The following ADAMTS2 variants were observed in gnomAD, a reference collection of about 807,000 sequenced individuals.
The protein encoded by ADAMTS2 is A disintegrin and metalloproteinase with thrombospondin motifs 2.
Under a neutral mutation model 123.0 loss-of-function variants are expected in ADAMTS2, and 50 were observed. The observed-to-expected ratio is 0.41, with a 90% CI of 0.32 to 0.51. The LOEUF is 0.51. Among genes scored for constraint, ADAMTS2 ranks in the 20% least tolerant of loss-of-function variants. ADAMTS2 has a pLI of 0.35. For synonymous variants in ADAMTS2, 678 were observed against 695.4 expected (o/e 0.98, Z 0.39); for missense variants, 1,494 against 1,705.2 (o/e 0.88, Z 2.18).
intron 3 of ADAMTS2, among the ~76,000 whole-genome samples, chr5:179,269,294 G>A (rs1261865055): frequency 6.6e-6 from 1 of 152,184 alleles, no homozygotes; most frequent in African/African-American, 2.4e-5. Flanking sequence ...AGCTGTGAGA[G>A]AGGCATTTGT....
Position 179,339,449 on chromosome 5 carries a change from C to T in ADAMTS2, c.534+4318G>A, listed in dbSNP as rs1257603216. 2.6e-5 allele frequency among the ~76,000 whole-genome samples: 4 copies of T among 152,340 alleles called. No individual in the cohort carries two copies. In the East Asian group the frequency reaches 7.7e-4, roughly 29 times the overall value. ...GATTCAGCCAGGCCTGAAGCCAACA[C>T]TCCTCAGGACCCCCAGATAATTGGG... On this transcript the variant is annotated intron_variant, in intron 2 of 21. Transcript: ENST00000251582.
In ADAMTS2 at chr5:179,125,063, G is replaced by A; in HGVS notation, c.2868C>T (p.Ala956=). ...CGGGCCGGGCGTCATTGCAGTGCTTGGCGTGCACGGAGCGGGTGGTGTTGT... is the reference window on the plus strand; with the variant it reads ...CGGGCCGGGCGTCATTGCAGTGCTTAGCGTGCACGGAGCGGGTGGTGTTGT... ...LHDNTTRSVH[A]KHCNDARPES... Residue 956 remains alanine, a synonymous_variant, in exon 19 of 22, where the codon GCC becomes GCT. Transcript: ENST00000251582. 6.2e-7 allele frequency: 1 copy of A among 1,610,430 alleles called. No individual in the cohort carries two copies.
chr5:179,343,647 G>A, intron 2 of ADAMTS2, 120 bp downstream of exon 2: 1 of 1,371,012 alleles, frequency 7.3e-7, no homozygotes. Flanking sequence ...CTAAAGCACG[G>A]GAAGGGCGCG....
intron 3 of ADAMTS2, among the ~76,000 whole-genome samples, chr5:179,222,109 G>A (rs1374941946): frequency 6.6e-6 from 1 of 152,106 alleles, no homozygotes; most frequent in Admixed American, 6.5e-5. Context: ...TTGTCTTCCT[G>A]TGTGAACTCC....
intron 2 of ADAMTS2, among the ~76,000 whole-genome samples, chr5:179,309,160 G>T (rs1038470429): frequency 6.6e-6 from 1 of 152,238 alleles, no homozygotes; most frequent in African/African-American, 2.4e-5. Flanking sequence ...TGTGTTCCCC[G>T]GGTAGAGGCC....
At chr5:179,221,352 C>T (rs1765121303) in intron 3 of ADAMTS2, among the ~76,000 whole-genome samples, 2 of 152,300 alleles carry the variant, frequency 1.3e-5, no homozygotes, top group Admixed American at 1.3e-4. Context: ...GTGATTGCAC[C>T]TGGTCCAGCA....
chr5:179,283,549 C>CAAAAAAAAAAAAAAAA (rs3986816), intron 2 of ADAMTS2, among the ~76,000 whole-genome samples: 11 of 51,320 alleles, frequency 2.1e-4, no homozygotes, highest in Non-Finnish European at 2.7e-4. Flanking sequence ...AGAAAAACAG[C>CAAAAAAAAAAAAAAAA]AAAAAAAAAA....
chr5:179,287,264 G>A (rs923752138), intron 2 of ADAMTS2, among the ~76,000 whole-genome samples: 1 of 152,170 alleles, frequency 6.6e-6, no homozygotes, highest in African/African-American at 2.4e-5. Flanking sequence ...GCCCGCCCAG[G>A]GCTGGCCACA....
chr5:179,121,204 AT>A (rs1300894036), intron 21 of ADAMTS2: 2 of 152,754 alleles, frequency 1.3e-5, no homozygotes, highest in African/African-American at 4.8e-5. Context: ...GAAGCGGGCC[AT>A]AGTTCCACGA....
At chr5:179,266,937 C>T (rs539568127) in intron 3 of ADAMTS2, among the ~76,000 whole-genome samples, 1 of 152,326 alleles carries the variant, frequency 6.6e-6, no homozygotes, top group Middle Eastern at 3.4e-3. Flanking sequence ...CCACCAGCCT[C>T]CCTCACACTG....
intron 3 of ADAMTS2, among the ~76,000 whole-genome samples, chr5:179,223,295 CG>C (rs1561813928): frequency 2.0e-5 from 3 of 151,172 alleles, no homozygotes; most frequent in African/African-American, 7.3e-5. Context: ...CACACACACA[CG>C]AACGCACTCA....
chr5:179,321,455 G>A (rs993248309), intron 2 of ADAMTS2, among the ~76,000 whole-genome samples: 3 of 152,096 alleles, frequency 2.0e-5, no homozygotes, highest in East Asian at 3.8e-4. Flanking sequence ...TGGCTGCTGG[G>A]CCTGATGCCC....
At chr5:179,193,881 G>A (rs1694437524) in intron 4 of ADAMTS2, among the ~76,000 whole-genome samples, 1 of 152,134 alleles carries the variant, frequency 6.6e-6, no homozygotes, top group Non-Finnish European at 1.5e-5. Flanking sequence ...CAGCTCCAGG[G>A]GCAGCCTGGG....
chr5:179,215,025 A>G (rs1561809867), intron 3 of ADAMTS2, among the ~76,000 whole-genome samples: 1 of 152,232 alleles, frequency 6.6e-6, no homozygotes, highest in Non-Finnish European at 1.5e-5. Context: ...AGACAGAAAA[A>G]TAATGAAAAA....
At chr5:179,114,414 T>C (rs540882271) in intron 21 of ADAMTS2, 90 bp from the exon 22 acceptor site, 1 of 1,331,948 alleles carries the variant, frequency 7.5e-7, no homozygotes, top group African/African-American at 1.4e-5. Context: ...AGGAGGCATA[T>C]GGAAGAGCCC....
At chr5:179,287,740 C>T (rs1378303814) in intron 2 of ADAMTS2, among the ~76,000 whole-genome samples, 1 of 152,236 alleles carries the variant, frequency 6.6e-6, no homozygotes, top group African/African-American at 2.4e-5. Flanking sequence ...AGCGGGTGCT[C>T]CTCCAGGAGG....
intron 2 of ADAMTS2, among the ~76,000 whole-genome samples, chr5:179,339,131 T>A (rs1757697655): frequency 6.6e-6 from 1 of 152,200 alleles, no homozygotes; most frequent in Admixed American, 6.5e-5. Context: ...GATAGGCCCC[T>A]CTTCATTCCA....
Position 179,115,464 on chromosome 5 carries a change from C to T in ADAMTS2, c.3179-1140G>A, listed in dbSNP as rs146613792. Reference sequence around the variant, plus strand: ...TCACTGACCTCCGTGAGCCCAACACCGCCTGTTGTGGTCTCTGCTCAGCTG... The same window carrying T: ...TCACTGACCTCCGTGAGCCCAACACTGCCTGTTGTGGTCTCTGCTCAGCTG... On this transcript the variant is annotated intron_variant, in intron 21 of 21. Transcript: ENST00000251582. The surrounding 1 kb of genome is among the most constrained non-coding windows in gnomAD (Gnocchi z 4.4). Among the ~76,000 whole-genome samples, 311 of 152,202 alleles carry T rather than the reference C, an allele frequency of 2.0e-3. 1 individual carries two copies. Among genetic ancestry groups the T allele is most frequent in the African/African-American group, 6.6e-3 (272 of 41,526 alleles).
At chr5:179,287,837 G>A (rs933582830) in intron 2 of ADAMTS2, among the ~76,000 whole-genome samples, 6 of 152,178 alleles carry the variant, frequency 3.9e-5, no homozygotes, top group African/African-American at 1.2e-4. Context: ...CACACTACCC[G>A]ACGGACGTCC....
Sources: allele counts gnomAD v4.1 joint callset (sites outside exome capture counted in the v4.1 genomes callset), GRCh38; gene constraint gnomAD v4.1.1; non-coding constraint Gnocchi (gnomAD v3.1); transcripts MANE v1.5; gene names NCBI Gene and HGNC (gene_info 2026-07-23, HGNC 2026-07-21).